SNX1: variants seen among roughly 807,000 people sequenced by gnomAD.
SNX1 encodes the protein sorting nexin 1, also known as sorting nexin-1.
Under a neutral mutation model 71.8 loss-of-function variants are expected in SNX1, and 36 were observed. The observed-to-expected ratio is 0.50, with a 90% CI of 0.38 to 0.66. The LOEUF (loss-of-function observed/expected upper bound fraction) is 0.66. Among genes scored for constraint, SNX1 ranks in the 30% least tolerant of loss-of-function variants. The pLI, the probability that SNX1 is intolerant of heterozygous loss-of-function variation, is 0.00. For missense variants in SNX1, 612 were observed against 646.7 expected, an observed-to-expected ratio of 0.95 and a Z score of 0.58; for synonymous variants, 254 against 240.7, an observed-to-expected ratio of 1.06 and a Z score of -0.51.
At chr15:64,108,929 A>G (rs2081050388) in intron 1 of SNX1, among the ~76,000 whole-genome samples, 1 of 151,688 alleles carries the variant, frequency 6.6e-6, no homozygotes, top group Non-Finnish European at 1.5e-5. Flanking sequence ...TAGAGGTTGC[A>G]GTGAGCCGAG....
intron 1 of SNX1, among the ~76,000 whole-genome samples, chr15:64,098,380 T>C (rs2080924385): frequency 6.6e-6 from 1 of 151,434 alleles, no homozygotes; most frequent in African/African-American, 2.4e-5. Context: ...CCTGGAAGAG[T>C]GAGGAGTTAT....
chr15:64,137,021 C>T, intron 14 of SNX1, 89 bp downstream of exon 14: 4 of 1,026,970 alleles, frequency 3.9e-6, no homozygotes, highest in Non-Finnish European at 6.0e-6. Context: ...GATGTGCAGG[C>T]CCTGCTTCTG....
intron 1 of SNX1, among the ~76,000 whole-genome samples, chr15:64,099,867 G>A (rs1459158566): frequency 6.6e-6 from 1 of 151,968 alleles, no homozygotes; most frequent in Non-Finnish European, 1.5e-5. Flanking sequence ...ACGTACTAGC[G>A]TGCCTGGCCA....
At chr15:64,105,554 G>C (rs2081011958) in intron 1 of SNX1, among the ~76,000 whole-genome samples, 1 of 152,164 alleles carries the variant, frequency 6.6e-6, no homozygotes, top group African/African-American at 2.4e-5. Context: ...TCGTCACGTG[G>C]ACAGCTGGAG....
chr15:64,095,999 C>T lies in SNX1; in HGVS notation c.-15C>T, dbSNP rs540684610. 3 of 1,594,346 alleles carry T rather than the reference C, an allele frequency of 1.9e-6. No individual in the cohort carries two copies. In the Admixed American group the frequency reaches 5.3e-5, roughly 28 times the overall value. ...ATAAAGTTGTTGTTGCGGCTTCCGC[C>T]GCGGGTGGAAGAAGATGGCGTCGGG... On this transcript the variant is annotated 5_prime_UTR_variant, in exon 1 of 15. Transcript: ENST00000559844.
In SNX1 at chr15:64,134,468, G is replaced by A. The variant is rs1473394934; in HGVS notation, c.1222-196G>A. The A allele has an allele frequency of 6.6e-6, 4 of 607,084 alleles. No individual in the cohort carries two copies. In the Admixed American group the frequency reaches 9.3e-5, roughly 14 times the overall value. 37.6% of individuals were successfully genotyped at this position (607,084 alleles called of 1,614,324 possible). Reference sequence around the variant, plus strand: ...TGAAGCAGCATGGCACTGGCCTTCTGGAAGCTTGGAGAGGAGTCTTACCCA... The same window carrying A: ...TGAAGCAGCATGGCACTGGCCTTCTAGAAGCTTGGAGAGGAGTCTTACCCA... On this transcript the variant is annotated intron_variant, in intron 11 of 14. Transcript: ENST00000559844. The surrounding 1 kb of genome is among the most constrained non-coding windows in gnomAD (Gnocchi z 4.1).
At chr15:64,106,424 T>C (rs1387676417) in intron 1 of SNX1, among the ~76,000 whole-genome samples, 1 of 152,206 alleles carries the variant, frequency 6.6e-6, no homozygotes, top group Non-Finnish European at 1.5e-5. Flanking sequence ...CAAATACTTT[T>C]AGTGCATCTG....
intron 1 of SNX1, among the ~76,000 whole-genome samples, chr15:64,104,964 G>C (rs987467722): frequency 6.6e-5 from 10 of 151,576 alleles, no homozygotes; most frequent in Non-Finnish European, 1.2e-4. Flanking sequence ...GCCGGGCACG[G>C]TGGCTCACGC....
intron 10 of SNX1, 162 bp from the exon 11 acceptor site, chr15:64,131,525 T>A: frequency 1.5e-6 from 1 of 646,776 alleles, no homozygotes; most frequent in Non-Finnish European, 2.7e-6. Context: ...CTCTTTACTC[T>A]CTGAATACAG....
At chr15:64,100,461 G>A (rs1015148606) in intron 1 of SNX1, among the ~76,000 whole-genome samples, 11 of 151,970 alleles carry the variant, frequency 7.2e-5, no homozygotes, top group Non-Finnish European at 1.0e-4. Flanking sequence ...TTAGCCGGGC[G>A]TGGTGGCACA....
chr15:64,113,657 T>TA (rs2081100081), intron 2 of SNX1, among the ~76,000 whole-genome samples: 1 of 152,002 alleles, frequency 6.6e-6, no homozygotes, highest in South Asian at 2.1e-4. Flanking sequence ...CCATCTCTAC[T>TA]AAAAATATAA....
At chr15:64,137,448 C>A in intron 14 of SNX1, 120 bp from the exon 15 acceptor site, 3 of 1,056,402 alleles carry the variant, frequency 2.8e-6, no homozygotes. Flanking sequence ...CTGCTCGGAG[C>A]CTGCCTTTGT....
At chr15:64,117,458 A>G (rs2081141941) in intron 2 of SNX1, among the ~76,000 whole-genome samples, 1 of 151,990 alleles carries the variant, frequency 6.6e-6, no homozygotes, top group Non-Finnish European at 1.5e-5. Flanking sequence ...GGGTTTCACC[A>G]TGTTGCCCAG....
In SNX1 at chr15:64,137,714, G is replaced by C; in HGVS notation, c.*96G>C. 6.3e-7 allele frequency: 1 copy of C among 1,585,946 alleles called. No homozygotes were observed. Among genetic ancestry groups the C allele is most frequent in the Non-Finnish European group, 8.6e-7 (1 of 1,162,288 alleles). ...GACCCCTAGTGATGCATCCTGCCTA[G>C]GCTGGACTTAACCCCTTCCTCCCTG... On this transcript the variant is annotated 3_prime_UTR_variant, in exon 15 of 15. Transcript: ENST00000559844.
intron 8 of SNX1, among the ~76,000 whole-genome samples, chr15:64,128,457 A>G (rs2081275463): frequency 6.6e-6 from 1 of 152,234 alleles, no homozygotes; most frequent in Non-Finnish European, 1.5e-5. Flanking sequence ...CACTGGAGTG[A>G]AATGTTTTAT....
intron 1 of SNX1, among the ~76,000 whole-genome samples, chr15:64,102,395 A>G (rs978276066): frequency 9.2e-5 from 14 of 152,232 alleles, no homozygotes; most frequent in Admixed American, 3.3e-4. Context: ...TTTGTTGAGA[A>G]CATTAGAATT....
At position 64,124,147 on chromosome 15, in the gene SNX1, CATATAT is replaced by C. The variant is rs10523424; in HGVS notation, c.510+628_510+633del. ...TCATTTCCTTTATAAGAAATCTTTACATATATATATATATATATATATATATATATA... is the reference window on the plus strand; with the variant it reads ...TCATTTCCTTTATAAGAAATCTTTACATATATATATATATATATATATATA... On this transcript the variant is annotated intron_variant, in intron 5 of 14. Coordinates refer to ENST00000559844, the MANE Select transcript of SNX1 (RefSeq NM_003099.5). Among the ~76,000 whole-genome samples, 577 of 105,412 alleles carry C rather than the reference CATATAT, an allele frequency of 5.5e-3. 21 individuals are homozygous for C. The highest frequency in any genetic ancestry group is 0.026 in the Admixed American group (310 of 12,148). The allele number at this position is 105,412 out of a possible 152,430, so 69.2% of individuals were successfully genotyped here.
chr15:64,142,472 C>T lies in SNX1; in HGVS notation c.*4854C>T. On this transcript the variant is annotated 3_prime_UTR_variant, in exon 15 of 15. Coordinates refer to ENST00000559844, the MANE Select transcript of SNX1 (RefSeq NM_003099.5). The stretch of plus-strand genomic sequence containing the variant: ...CAGAGAAGAGAAAGAGAATGACTAT[C>T]AGAGCCATGTTTGGAAGAAAATGGG... 1 of 332,890 alleles carries T rather than the reference C, an allele frequency of 3.0e-6. No individual in the cohort carries two copies. Among genetic ancestry groups the T allele is most frequent in the East Asian group, 8.0e-5 (1 of 12,494 alleles). The allele number at this position is 332,890 out of a possible 1,614,324, so 20.6% of individuals were successfully genotyped here. A position where few individuals can be genotyped will look rare whatever the true frequency, so the allele number is the denominator to read the frequency against.
rs56917577 is a variant in SNX1, at chr15:64,132,333, C to G, written c.1221+441C>G. 1,532 of 198,876 alleles carry G rather than the reference C, an allele frequency of 7.7e-3. 26 individuals are homozygous for G. Among genetic ancestry groups the G allele is most frequent in the African/African-American group, 0.034 (1,445 of 42,768 alleles). The allele number at this position is 198,876 out of a possible 1,614,324, so 12.3% of individuals were successfully genotyped here. ...GAGCTCTTGCTGACTTCCACTTGTC[C>G]TTCCAGTATGGGCAGTCAGGTAACT... On this transcript the variant is annotated intron_variant, in intron 11 of 14. Transcript: ENST00000559844.
Sources: allele counts gnomAD v4.1 joint callset (sites outside exome capture counted in the v4.1 genomes callset), GRCh38; gene constraint gnomAD v4.1.1; non-coding constraint Gnocchi (gnomAD v3.1); transcripts MANE v1.5; gene names NCBI Gene and HGNC (gene_info 2026-07-23, HGNC 2026-07-21).